Variants in STAT5B observed in about 807,000 individuals in gnomAD.
STAT5B encodes signal transducer and activator of transcription 5B, also known as transcription factor STAT5B.
In STAT5B, 21 loss-of-function variants were observed where a neutral mutation model predicts 107.8. That is an observed-to-expected ratio of 0.19 (90% CI 0.14 to 0.28). STAT5B has a LOEUF of 0.28. STAT5B is among the 10% of genes least tolerant of loss of function. The pLI is 1.00. For synonymous variants in STAT5B, 325 were observed against 401.7 expected, an observed-to-expected ratio of 0.81 and a Z score of 2.28; for missense variants, 565 against 1,008.2, an observed-to-expected ratio of 0.56 and a Z score of 5.95.
intron 1 of STAT5B, among the ~76,000 whole-genome samples, chr17:42,244,237 G>A (rs1023561160): frequency 6.7e-6 from 1 of 149,970 alleles, no homozygotes; most frequent in African/African-American, 2.5e-5. Flanking sequence ...ACAGGTGTGT[G>A]CCACCATGCC....
chr17:42,281,155 A>C (rs1000477494), upstream of STAT5B, among the ~76,000 whole-genome samples: 6 of 151,960 alleles, frequency 3.9e-5, no homozygotes, highest in Non-Finnish European at 7.4e-5. Flanking sequence ...ACAAAAACAA[A>C]AACAAAAAAA....
At chr17:42,204,307 A>G (rs1310479200) in intron 16 of STAT5B, among the ~76,000 whole-genome samples, 1 of 152,168 alleles carries the variant, frequency 6.6e-6, no homozygotes, top group East Asian at 1.9e-4. Flanking sequence ...AGGTGGTAAG[A>G]ATGTGATTAT....
chr17:42,233,489 T>C (rs79484817), intron 1 of STAT5B, among the ~76,000 whole-genome samples: 1 of 137,780 alleles, frequency 7.3e-6, no homozygotes, highest in Non-Finnish European at 1.6e-5. Flanking sequence ...AGGTAGTTTC[T>C]TTTTTTTTTT....
the STAT5B span, among the ~76,000 whole-genome samples, chr17:42,283,336 C>T: frequency 6.6e-6 from 1 of 152,146 alleles, no homozygotes; most frequent in South Asian, 2.1e-4. Flanking sequence ...GGGCCTGGCC[C>T]TGCAATGAGG....
At chr17:42,261,102 T>A (rs2080592494) in intron 1 of STAT5B, among the ~76,000 whole-genome samples, 1 of 151,958 alleles carries the variant, frequency 6.6e-6, no homozygotes, top group Non-Finnish European at 1.5e-5. Context: ...AGAGACAGGG[T>A]CTCACCAAGC....
At chr17:42,267,149 G>A (rs956501659) in intron 1 of STAT5B, among the ~76,000 whole-genome samples, 1 of 152,302 alleles carries the variant, frequency 6.6e-6, no homozygotes, top group Admixed American at 6.5e-5. Flanking sequence ...CAAACCCACT[G>A]CACTGCCAGT....
chr17:42,270,911 A>G (rs1276797433), intron 1 of STAT5B: 1 of 152,254 alleles, frequency 6.6e-6, no homozygotes, highest in Non-Finnish European at 1.5e-5. Flanking sequence ...AGCTGAAAAC[A>G]ATGTCTGCCC....
chr17:42,285,992 G>T, the STAT5B span, among the ~76,000 whole-genome samples: 52 of 152,214 alleles, frequency 3.4e-4, no homozygotes, highest in Non-Finnish European at 6.0e-4. Context: ...GGCCGAGGCG[G>T]GTGGATCACC....
chr17:42,217,444 A>C lies in STAT5B; in HGVS notation c.1190T>G (p.Leu397Trp). 1 of 1,614,208 alleles carries C rather than the reference A, an allele frequency of 6.2e-7. No homozygotes were observed. The highest frequency in any genetic ancestry group is 1.1e-5 in the South Asian group (1 of 91,082). ...GTACTCCATGACGCAGCAGTTGTTC[A>C]AGATCTCGCCACTGTAATCACTGCA... is the stretch of plus-strand genomic sequence containing the variant. ...NTRNDYSGEILNNCCVMEYHQ... is the reference protein window; with the variant it reads ...NTRNDYSGEIWNNCCVMEYHQ... Residue 397 changes from leucine (L) to tryptophan (W), a missense_variant, in exon 10 of 19, where the codon TTG (leucine) becomes TGG (tryptophan). Leu to Trp is a moderately conservative substitution (Grantham distance 61). Around this residue, in one of 11 missense-constraint regions of STAT5B, gnomAD observed 70 missense variants for 73.2 expected, o/e 0.96. Transcript: ENST00000293328.
At chr17:42,265,423 T>G (rs982190511) in intron 1 of STAT5B, among the ~76,000 whole-genome samples, 1 of 144,936 alleles carries the variant, frequency 6.9e-6, no homozygotes, top group Non-Finnish European at 1.5e-5. Flanking sequence ...CAGGCTGGAG[T>G]GCAGTAGTGT....
chr17:42,266,049 A>AT (rs1282357550), intron 1 of STAT5B, among the ~76,000 whole-genome samples: 2 of 152,006 alleles, frequency 1.3e-5, no homozygotes, highest in Non-Finnish European at 2.9e-5. Flanking sequence ...GGTTTCTGGC[A>AT]TTTTTTGGCA....
chr17:42,232,007 G>A lies in STAT5B; in HGVS notation c.121C>T (p.Gln41Ter), dbSNP rs767959957. 1 of 1,613,848 alleles carries A rather than the reference G, an allele frequency of 6.2e-7. No individual in the cohort carries two copies. The highest frequency in any genetic ancestry group is 1.7e-5 in the Admixed American group (1 of 59,978). ...RHYLSQWIES[Q>*]AWDSVDLDNP... ...ACATCCTTGTTCACCTACCATGCTT[G>A]GCTTTCAATCCACTGGGATAAATAA... The change falls in exon 2 of 19, where the codon CAA (glutamine) becomes TAA (stop). Residue 41 changes from glutamine to a stop codon, truncating the protein, a stop_gained. Coordinates refer to ENST00000293328, the MANE Select transcript of STAT5B (RefSeq NM_012448.4). LOFTEE classifies it high-confidence loss of function.
chr17:42,262,548 G>A (rs2080607867), intron 1 of STAT5B, among the ~76,000 whole-genome samples: 2 of 151,790 alleles, frequency 1.3e-5, no homozygotes, highest in African/African-American at 2.4e-5. Context: ...TAAACATTTA[G>A]AGAAGTCATT....
chr17:42,283,352 G>A, the STAT5B span, among the ~76,000 whole-genome samples: 2 of 152,184 alleles, frequency 1.3e-5, no homozygotes, highest in Admixed American at 1.3e-4. Context: ...TGAGGGGGCT[G>A]CAAAGGGTGG....
At chr17:42,214,803 A>G (rs141263571) in intron 12 of STAT5B, among the ~76,000 whole-genome samples, 78 of 152,232 alleles carry the variant, frequency 5.1e-4, no homozygotes, top group African/African-American at 1.8e-3. Context: ...AGGCTGGAGT[A>G]CAGTGGCACA....
upstream of STAT5B, among the ~76,000 whole-genome samples, chr17:42,281,584 GGAGA>G (rs1376167036): frequency 3.9e-5 from 6 of 152,192 alleles, no homozygotes; most frequent in East Asian, 1.2e-3. Context: ...GTGCTGGCCA[GGAGA>G]GAGCTGGTGC....
At chr17:42,221,808 T>C (rs1195227805) in intron 5 of STAT5B, among the ~76,000 whole-genome samples, 2 of 152,224 alleles carry the variant, frequency 1.3e-5, no homozygotes, top group Non-Finnish European at 2.9e-5. Flanking sequence ...CAAAGATTTA[T>C]ATTCCAGTGG....
chr17:42,235,936 A>T (rs1468056745), intron 1 of STAT5B, among the ~76,000 whole-genome samples: 1 of 152,232 alleles, frequency 6.6e-6, no homozygotes, highest in Non-Finnish European at 1.5e-5. Context: ...TGTTTTAGGA[A>T]AGAAATACTG....
At chr17:42,283,984 AG>A in the STAT5B span, among the ~76,000 whole-genome samples, 1 of 152,136 alleles carries the variant, frequency 6.6e-6, no homozygotes, top group Non-Finnish European at 1.5e-5. Context: ...CCTTTGCCGC[AG>A]GGTGAAAAGA....
Sources: allele counts gnomAD v4.1 joint callset (sites outside exome capture counted in the v4.1 genomes callset), GRCh38; gene constraint gnomAD v4.1.1; regional missense constraint gnomAD v4.1.1; transcripts MANE v1.5; gene names NCBI Gene and HGNC (gene_info 2026-07-23, HGNC 2026-07-21).